Variants in KIAA1217 observed in about 807,000 individuals in gnomAD.
KIAA1217 encodes the protein KIAA1217.
Under a neutral mutation model 163.9 loss-of-function variants are expected in KIAA1217, and 88 were observed. That is an observed-to-expected ratio of 0.54 (90% CI 0.45 to 0.64). KIAA1217 has a LOEUF of 0.64. Among genes scored for constraint, KIAA1217 ranks in the 30% least tolerant of loss-of-function variants. The pLI is 0.00. For synonymous variants in KIAA1217, 903 were observed against 923.1 expected, an observed-to-expected ratio of 0.98 and a Z score of 0.39; for missense variants, 2,372 against 2,475.0, an observed-to-expected ratio of 0.96 and a Z score of 0.88.
intron 2 of KIAA1217, among the ~76,000 whole-genome samples, chr10:24,071,109 T>TAATTGATA (rs1299428856): frequency 1.3e-5 from 2 of 152,190 alleles, no homozygotes; most frequent in African/African-American, 2.4e-5. Flanking sequence ...GAACTTCCCT[T>TAATTGATA]AATTGATAAT....
chr10:24,211,972 G>A (rs1366724740), intron 1 of KIAA1217, among the ~76,000 whole-genome samples: 3 of 151,988 alleles, frequency 2.0e-5, no homozygotes, highest in Non-Finnish European at 4.4e-5. Flanking sequence ...TCAGCCAGGA[G>A]GTTGAGACTG....
chr10:23,905,142 T>G (rs943102643), intron 1 of KIAA1217, among the ~76,000 whole-genome samples: 2 of 148,450 alleles, frequency 1.3e-5, no homozygotes, highest in Admixed American at 1.4e-4. Context: ...AATGTATCAG[T>G]ATGTAGCCTG....
At chr10:24,020,372 A>G (rs535628250) in intron 2 of KIAA1217, among the ~76,000 whole-genome samples, 1 of 152,134 alleles carries the variant, frequency 6.6e-6, no homozygotes, top group Non-Finnish European at 1.5e-5. Flanking sequence ...CAGTAAAAGT[A>G]GCAAACTTGA....
rs532193048 is a variant in KIAA1217, at chr10:24,243,771, A to G, written c.354+23862A>G. 2.0e-5 allele frequency among the ~76,000 whole-genome samples: 3 copies of G among 152,138 alleles called. No homozygotes were observed. The South Asian group carries it at 6.2e-4, about 32-fold the overall frequency. On this transcript the variant is annotated intron_variant, in intron 2 of 20. Coordinates refer to ENST00000376454, the MANE Select transcript of KIAA1217 (RefSeq NM_019590.5). ...TATATACACATCTATGAATGTATACAATATTCATATATATGAATATATAAG... is the reference window on the plus strand; with the variant it reads ...TATATACACATCTATGAATGTATACGATATTCATATATATGAATATATAAG...
chr10:24,083,637 A>G (rs2061604647), intron 2 of KIAA1217, among the ~76,000 whole-genome samples: 1 of 152,214 alleles, frequency 6.6e-6, no homozygotes, highest in African/African-American at 2.4e-5. Flanking sequence ...ACTTTGACAC[A>G]CATTTCTAAA....
At chr10:24,123,006 C>G (rs964968363) in intron 2 of KIAA1217, among the ~76,000 whole-genome samples, 1 of 151,716 alleles carries the variant, frequency 6.6e-6, no homozygotes, top group African/African-American at 2.4e-5. Context: ...TAAAATAGAG[C>G]CCATTATAAA....
chr10:23,744,225 C>G (rs1477925427), intron 1 of KIAA1217, among the ~76,000 whole-genome samples: 2 of 152,132 alleles, frequency 1.3e-5, no homozygotes, highest in East Asian at 3.9e-4. Context: ...TACTAGGTAG[C>G]CTGTTGTCCC....
chr10:23,844,739 A>AT (rs1446919570), intron 1 of KIAA1217, among the ~76,000 whole-genome samples: 1 of 150,242 alleles, frequency 6.7e-6, no homozygotes, highest in African/African-American at 2.5e-5. Context: ...TCAACGTTTA[A>AT]TTTTTTTATT....
At position 24,213,771 on chromosome 10, in the gene KIAA1217, T is replaced by C. The variant is rs542952862; in HGVS notation, c.70+4508T>C. ...TCCTGTCTCTATTTTGTCTAAGATC[T>C]ATACCAGAAATCCTCTTCATCACTG... On this transcript the variant is annotated intron_variant, in intron 1 of 20. Transcript: ENST00000376454. Among the ~76,000 whole-genome samples, 3 of 152,336 alleles carry C rather than the reference T, an allele frequency of 2.0e-5. 1 individual carries two copies. In the South Asian group the frequency reaches 6.2e-4, roughly 32 times the overall value.
At chr10:24,183,090 A>G (rs1442902512) in intron 2 of KIAA1217, among the ~76,000 whole-genome samples, 1 of 152,192 alleles carries the variant, frequency 6.6e-6, no homozygotes, top group Admixed American at 6.5e-5. Context: ...GTTGCTATAA[A>G]GCTGGGACAC....
At chr10:24,478,330 T>C (rs1182143380) in intron 6 of KIAA1217, among the ~76,000 whole-genome samples, 1 of 152,272 alleles carries the variant, frequency 6.6e-6, no homozygotes, top group Non-Finnish European at 1.5e-5. Context: ...GTCTTCAGTC[T>C]TATATTTAGT....
chr10:24,335,524 G>A (rs1404934832), intron 2 of KIAA1217, among the ~76,000 whole-genome samples: 6 of 151,730 alleles, frequency 4.0e-5, no homozygotes. Context: ...GATGGCACGA[G>A]CCTGTGAATA....
chr10:23,741,085 C>T (rs1201384481), intron 1 of KIAA1217, among the ~76,000 whole-genome samples: 1 of 152,200 alleles, frequency 6.6e-6, no homozygotes, highest in Non-Finnish European at 1.5e-5. Context: ...GTACACATAG[C>T]CGCAATCTGT....
At chr10:24,503,787 T>C (rs2067988086) in intron 9 of KIAA1217, among the ~76,000 whole-genome samples, 1 of 152,240 alleles carries the variant, frequency 6.6e-6, no homozygotes, top group South Asian at 2.1e-4. Context: ...CTGGGGCTCC[T>C]GGAGGTCAAG....
At position 24,465,849 on chromosome 10, in the gene KIAA1217, G is replaced by T. The variant is rs189022369; in HGVS notation, c.847-7379G>T. 3.8e-3 allele frequency among the ~76,000 whole-genome samples: 582 copies of T among 152,254 alleles called. 3 individuals are homozygous for T. The highest frequency in any genetic ancestry group is 0.014 in the African/African-American group (565 of 41,536). On this transcript the variant is annotated intron_variant, in intron 5 of 20. Transcript: ENST00000376454. ...CGCCTACCTTCTCGTCCTTCATCTT[G>T]TTTAGGGTGGGGCAGAAGGGCTCTG...
intron 1 of KIAA1217, among the ~76,000 whole-genome samples, chr10:23,902,904 A>C (rs1329129720): frequency 1.3e-5 from 2 of 152,100 alleles, no homozygotes; most frequent in African/African-American, 4.8e-5. Context: ...TGAGGCAAAA[A>C]CTAAAGTCAT....
intron 1 of KIAA1217, among the ~76,000 whole-genome samples, chr10:24,214,656 C>T (rs1025898963): frequency 1.1e-4 from 17 of 152,132 alleles, no homozygotes; most frequent in Admixed American, 5.9e-4. Flanking sequence ...GTCTCTGCCA[C>T]GGTACACCCA....
At chr10:23,702,815 A>T (rs1836560780) in intron 1 of KIAA1217, among the ~76,000 whole-genome samples, 1 of 152,152 alleles carries the variant, frequency 6.6e-6, no homozygotes, top group Non-Finnish European at 1.5e-5. Context: ...CTTAAAAATT[A>T]ACATAAATAA....
At chr10:23,958,978 G>A (rs530952436) in intron 1 of KIAA1217, among the ~76,000 whole-genome samples, 11 of 149,354 alleles carry the variant, frequency 7.4e-5, no homozygotes, top group South Asian at 2.2e-4. Context: ...ATCCACTACC[G>A]AGCCTGGAAG....
Sources: allele counts gnomAD v4.1 joint callset (sites outside exome capture counted in the v4.1 genomes callset), GRCh38; gene constraint gnomAD v4.1.1; transcripts MANE v1.5; gene names NCBI Gene and HGNC (gene_info 2026-07-23, HGNC 2026-07-21).